RYR1: variants seen among roughly 807,000 people sequenced by gnomAD.
RYR1 encodes central core disease of muscle.
Under a neutral mutation model 583.5 loss-of-function variants are expected in RYR1, and 342 were observed. That is an observed-to-expected ratio of 0.59 (90% CI 0.54 to 0.64). RYR1 has a LOEUF of 0.64. Among genes scored for constraint, RYR1 ranks in the 30% least tolerant of loss-of-function variants. RYR1 has a pLI of 0.00. For missense variants in RYR1, 6,032 were observed against 6,917.2 expected (o/e 0.87, Z 4.54); for synonymous variants, 2,791 against 2,822.5 (o/e 0.99, Z 0.35).
rs1166126799 is a variant in RYR1 at position 38,502,821 on chromosome 19, G to A, written c.7836-59G>A. 2.5e-5 allele frequency: 38 copies of A among 1,491,170 alleles called. No individual in the cohort carries two copies. In the East Asian group the frequency reaches 6.2e-4, roughly 25 times the overall value. 92.4% of individuals were successfully genotyped at this position (1,491,170 alleles called of 1,614,324 possible). ...GGCAGGGGCAGGGGGAGGAGCAGGG[G>A]CAGGGGCAGCAGAGCGGGCCTGGAC... On this transcript the variant is annotated intron_variant, in intron 48 of 105. Coordinates refer to ENST00000359596, the MANE Select transcript of RYR1 (RefSeq NM_000540.3).
chr19:38,569,802 G>A (rs1651495862), intron 93 of RYR1, among the ~76,000 whole-genome samples: 1 of 152,206 alleles, frequency 6.6e-6, no homozygotes, highest in Non-Finnish European at 1.5e-5. Context: ...GGGGTGTACT[G>A]AGAATTAAAC....
chr19:38,520,693 CAAAA>C (rs71165555), intron 67 of RYR1, among the ~76,000 whole-genome samples: 6,134 of 46,176 alleles, frequency 0.13, 132 homozygotes, highest in Non-Finnish European at 0.19. Context: ...GGCTCCACCT[CAAAA>C]AAAAAAAAAA....
At chr19:38,501,441 T>A (rs1970115156) in intron 47 of RYR1, among the ~76,000 whole-genome samples, 2 of 152,128 alleles carry the variant, frequency 1.3e-5, no homozygotes, top group African/African-American at 2.4e-5. Context: ...GAGGTTGCAG[T>A]GAGCCGAGAT....
chr19:38,522,278 G>A (rs1391932152), intron 67 of RYR1, among the ~76,000 whole-genome samples: 4 of 152,016 alleles, frequency 2.6e-5, no homozygotes, highest in African/African-American at 7.2e-5. Context: ...TATGTATTTC[G>A]ATGAAAAGGT....
rs1267405596 is a variant in RYR1, at chr19:38,473,693, C to G, written c.4082C>G (p.Pro1361Arg). 1.3e-6 allele frequency: 2 copies of G among 1,549,636 alleles called. No individual in the cohort carries two copies. The highest frequency in any genetic ancestry group is 1.7e-6 in the Non-Finnish European group (2 of 1,146,746). Residue 1361 changes from proline to arginine, a missense_variant, in exon 28 of 106, where the codon CCG (proline) becomes CGG (arginine). Transcript: ENST00000359596. The stretch of plus-strand genomic sequence containing the variant: ...AAGGAGGGCGCCCCCGGGGGCACCC[C>G]GCAGGCGGGGGGAGAGGCGCAGCCC... ...TAKEGAPGGTPQAGGEAQPAR... is the reference protein window; with the variant it reads ...TAKEGAPGGTRQAGGEAQPAR...
intron 89 of RYR1, among the ~76,000 whole-genome samples, chr19:38,552,388 G>A (rs1168111139): frequency 1.3e-5 from 2 of 151,950 alleles, no homozygotes; most frequent in Admixed American, 1.3e-4. Flanking sequence ...CCGAGTAGCT[G>A]GACTACAGGC....
intron 84 of RYR1, among the ~76,000 whole-genome samples, chr19:38,539,755 A>T (rs926182801): frequency 2.6e-5 from 4 of 152,158 alleles, no homozygotes; most frequent in Non-Finnish European, 5.9e-5. Context: ...GACCCCTTGC[A>T]TGTCTTGAGG....
chr19:38,585,815 G>A lies in RYR1; in HGVS notation c.14804-123G>A, dbSNP rs183531027. ...GCCTAATACTATCTTCTTAGGAAGC[G>A]AGATTAGGGGTGAGATTAGGGAAAT... On this transcript the variant is annotated intron_variant, in intron 102 of 105. Coordinates refer to ENST00000359596, the MANE Select transcript of RYR1 (RefSeq NM_000540.3). 1.3e-5 allele frequency: 15 copies of A among 1,187,748 alleles called. No homozygotes were observed. The East Asian group carries it at 1.9e-4, about 15-fold the overall frequency. 73.6% of individuals were successfully genotyped at this position (1,187,748 alleles called of 1,614,324 possible).
intron 49 of RYR1, 150 bp from the exon 50 acceptor site, chr19:38,504,069 AT>A: frequency 1.1e-6 from 1 of 871,730 alleles, no homozygotes; most frequent in South Asian, 1.6e-5. Context: ...TAAACATACC[AT>A]TTCTTCCCTT....
At chr19:38,434,157 C>G (rs1972321482) in intron 1 of RYR1, among the ~76,000 whole-genome samples, 1 of 152,154 alleles carries the variant, frequency 6.6e-6, no homozygotes, top group Non-Finnish European at 1.5e-5. Flanking sequence ...CCCGAGGGAG[C>G]ACACCCTCAC....
chr19:38,502,778 G>GGCAGGGGCAGGGGGAGGA (rs1568506434), intron 48 of RYR1, 51 bp downstream of exon 48: 1 of 1,216,034 alleles, frequency 8.2e-7, no homozygotes, highest in South Asian at 1.4e-5. Flanking sequence ...CAGGGGCAGG[G>GGCAGGGGCAGGGGGAGGA]GCAGGGGCAG....
intron 76 of RYR1, among the ~76,000 whole-genome samples, chr19:38,529,301 C>A (rs1467282761): frequency 6.6e-6 from 1 of 152,186 alleles, no homozygotes; most frequent in African/African-American, 2.4e-5. Flanking sequence ...GCCAATATGG[C>A]AAAACCCCGT....
intron 1 of RYR1, among the ~76,000 whole-genome samples, chr19:38,435,160 G>T (rs994256234): frequency 3.3e-5 from 5 of 152,208 alleles, no homozygotes; most frequent in African/African-American, 1.2e-4. Context: ...TATCCTTGCT[G>T]CCCTGTCTTC....
At position 38,457,990 on chromosome 19, in the gene RYR1, C is replaced by G. The variant is rs532904861; in HGVS notation, c.1926-61C>G. 3 of 1,577,564 alleles carry G rather than the reference C, an allele frequency of 1.9e-6. No individual in the cohort carries two copies. In the South Asian group the frequency reaches 3.3e-5, roughly 18 times the overall value. On this transcript the variant is annotated intron_variant, in intron 17 of 105. Coordinates refer to ENST00000359596, the MANE Select transcript of RYR1 (RefSeq NM_000540.3). ...ATGTCTGTCTCTCTCTGGCTTCCCA[C>G]CACTTGGCTCTCCTCTCTGCCTCTC...
intron 35 of RYR1, 38 bp from the exon 36 acceptor site, chr19:38,490,038 A>G (rs1369941669): frequency 6.2e-7 from 1 of 1,601,078 alleles, no homozygotes; most frequent in South Asian, 1.1e-5. Flanking sequence ...TGATGGTCTC[A>G]CCTCCATCTC....
chr19:38,438,802 TAGAGACGGG>T (rs1297545725), intron 1 of RYR1, among the ~76,000 whole-genome samples: 2 of 151,754 alleles, frequency 1.3e-5, no homozygotes, highest in African/African-American at 4.9e-5. Context: ...GTATTTTTAG[TAGAGACGGG>T]GTTTCACCAT....
intron 93 of RYR1, among the ~76,000 whole-genome samples, chr19:38,569,345 C>A (rs1973608286): frequency 1.3e-5 from 2 of 151,752 alleles, no homozygotes; most frequent in African/African-American, 4.8e-5. Context: ...ATTACTGCTC[C>A]TTGCAGAGCA....
At chr19:38,463,977 C>A in intron 22 of RYR1, 127 bp downstream of exon 22, 1 of 786,300 alleles carries the variant, frequency 1.3e-6, no homozygotes, top group Non-Finnish European at 2.2e-6. Flanking sequence ...GATTGTGAGA[C>A]ATAAACAAAT....
intron 78 of RYR1, 150 bp downstream of exon 78, chr19:38,532,886 A>C: frequency 1.3e-6 from 1 of 765,980 alleles, no homozygotes. Context: ...ACACCCGCCA[A>C]ACTAACACCA....
Sources: gnomAD v4.1 joint callset for allele counts (sites outside exome capture counted in the v4.1 genomes callset) on GRCh38, gnomAD v4.1.1 for gene constraint, MANE v1.5 for transcripts, NCBI Gene and HGNC (gene_info 2026-07-23, HGNC 2026-07-21) for gene names.